Variants in MKX observed in about 807,000 individuals in gnomAD.
MKX encodes the protein mohawk homeobox.
A neutral mutation model predicts 36.0 loss-of-function variants in MKX; 13 were observed. That is an observed-to-expected ratio of 0.36 (90% CI 0.24 to 0.57). MKX has a LOEUF of 0.57. Among genes scored for constraint, MKX ranks in the 20% least tolerant of loss-of-function variants. The pLI, the probability that MKX is intolerant of heterozygous loss-of-function variation, is 0.79. For synonymous variants in MKX, 176 were observed against 178.3 expected, an observed-to-expected ratio of 0.99 and a Z score of 0.10; for missense variants, 458 against 456.4, an observed-to-expected ratio of 1.00 and a Z score of -0.03.
chr10:27,723,297 T>C (rs1834419721), intron 5 of MKX, among the ~76,000 whole-genome samples: 1 of 152,102 alleles, frequency 6.6e-6, no homozygotes, highest in African/African-American at 2.4e-5. Flanking sequence ...CTAAAATAAA[T>C]GAACCCAGGA....
intron 3 of MKX, among the ~76,000 whole-genome samples, chr10:27,737,931 C>A (rs184450130): frequency 5.4e-4 from 82 of 152,162 alleles, no homozygotes; most frequent in African/African-American, 1.8e-3. Context: ...AAAAGTAATA[C>A]ACTACCCTTC....
chr10:27,743,462 C>T lies in MKX; in HGVS notation c.-47G>A. ...GCGGCGCGGCCGCAGAGCCTCGGGG[C>T]TGGGCCGCCGGGAGCTCCGCAGCGG... On this transcript the variant is annotated 5_prime_UTR_variant, in exon 2 of 7. Coordinates refer to ENST00000419761, the MANE Select transcript of MKX (RefSeq NM_173576.3). The T allele has an allele frequency of 2.7e-6, 4 of 1,473,376 alleles. No homozygotes were observed. Among genetic ancestry groups the T allele is most frequent in the Non-Finnish European group, 3.6e-6 (4 of 1,118,360 alleles). 91.3% of individuals were successfully genotyped at this position (1,473,376 alleles called of 1,614,324 possible). A position where few individuals can be genotyped will look rare whatever the true frequency, so the allele number is the denominator to read the frequency against.
chr10:27,721,949 T>C (rs1357265049), intron 5 of MKX, among the ~76,000 whole-genome samples: 1 of 152,204 alleles, frequency 6.6e-6, no homozygotes, highest in East Asian at 1.9e-4. Flanking sequence ...GTTGGGACAA[T>C]TGGCTGTTCA....
intron 5 of MKX, among the ~76,000 whole-genome samples, chr10:27,717,884 A>G (rs1836993831): frequency 6.6e-6 from 1 of 152,208 alleles, no homozygotes; most frequent in East Asian, 1.9e-4. Flanking sequence ...CACAATGATG[A>G]TAAGTGCCCT....
intron 5 of MKX, among the ~76,000 whole-genome samples, chr10:27,723,327 C>G (rs556138243): frequency 6.6e-6 from 1 of 152,266 alleles, no homozygotes; most frequent in South Asian, 2.1e-4. Flanking sequence ...AAAACTAAAA[C>G]AAGACCAGTT....
intron 5 of MKX, among the ~76,000 whole-genome samples, chr10:27,726,771 C>A (rs2132625052): frequency 1.3e-5 from 2 of 148,474 alleles, no homozygotes; most frequent in Middle Eastern, 3.4e-3. Context: ...TAAACCAATT[C>A]AAACTTATTC....
chr10:27,736,438 C>T (rs1834779413), intron 3 of MKX, among the ~76,000 whole-genome samples: 1 of 151,610 alleles, frequency 6.6e-6, no homozygotes, highest in Admixed American at 6.6e-5. Context: ...TCTAAAATAC[C>T]AGGTTATCAT....
At chr10:27,709,238 CA>C (rs1028042748) in intron 5 of MKX, among the ~76,000 whole-genome samples, 1 of 152,046 alleles carries the variant, frequency 6.6e-6, no homozygotes, top group South Asian at 2.1e-4. Flanking sequence ...GTTTATAATA[CA>C]AAAAAATACA....
intron 5 of MKX, among the ~76,000 whole-genome samples, chr10:27,676,606 G>C (rs1183701099): frequency 1.3e-5 from 2 of 151,998 alleles, no homozygotes; most frequent in Non-Finnish European, 2.9e-5. Context: ...TCGAACTCCT[G>C]ACCTCGTGAT....
Position 27,742,902 on chromosome 10 carries a change from C to A in MKX, c.188+326G>T, listed in dbSNP as rs573011172. On this transcript the variant is annotated intron_variant, in intron 2 of 6. Transcript: ENST00000419761. The surrounding 1 kb of genome is among the most constrained non-coding windows in gnomAD (Gnocchi z 4.2). Reference sequence around the variant, plus strand: ...TCAGTCCTTTTTCCTCGCCCTCAGCCGCGCACCGGCACCCACAGTCCGGAG... The same window carrying A: ...TCAGTCCTTTTTCCTCGCCCTCAGCAGCGCACCGGCACCCACAGTCCGGAG... Among the ~76,000 whole-genome samples the A allele has an allele frequency of 1.0e-3, 152 of 152,342 alleles. No individual in the cohort carries two copies. Among genetic ancestry groups the A allele is most frequent in the African/African-American group, 3.5e-3 (146 of 41,588 alleles).
chr10:27,679,618 ACATT>A (rs1207391616), intron 5 of MKX, among the ~76,000 whole-genome samples: 1 of 152,200 alleles, frequency 6.6e-6, no homozygotes, highest in Non-Finnish European at 1.5e-5. Flanking sequence ...TGACTCTGAA[ACATT>A]TGTGCTTTTT....
At chr10:27,702,059 C>T (rs1836668459) in intron 5 of MKX, among the ~76,000 whole-genome samples, 1 of 152,088 alleles carries the variant, frequency 6.6e-6, no homozygotes, top group South Asian at 2.1e-4. Context: ...AAACTGATCT[C>T]CACTCCTTCC....
chr10:27,696,703 T>C (rs547480922), intron 5 of MKX, among the ~76,000 whole-genome samples: 32 of 152,216 alleles, frequency 2.1e-4, no homozygotes, highest in African/African-American at 7.7e-4. Flanking sequence ...TCCAAAATTA[T>C]GTCAGCAGCT....
intron 5 of MKX, among the ~76,000 whole-genome samples, chr10:27,697,127 T>C (rs944887501): frequency 6.6e-6 from 1 of 152,206 alleles, no homozygotes; most frequent in Non-Finnish European, 1.5e-5. Context: ...ATTTTACAAA[T>C]AGGCTGACAA....
intron 5 of MKX, among the ~76,000 whole-genome samples, chr10:27,707,534 G>A (rs1053152446): frequency 1.3e-5 from 2 of 152,022 alleles, no homozygotes; most frequent in African/African-American, 4.8e-5. Context: ...TAATTAGGAG[G>A]CAACATGAGG....
intron 5 of MKX, among the ~76,000 whole-genome samples, chr10:27,712,317 T>A (rs180767217): frequency 4.7e-4 from 72 of 152,280 alleles, no homozygotes; most frequent in African/African-American, 1.7e-3. Flanking sequence ...GAAAATACAC[T>A]ACCATTTAAT....
chr10:27,740,178 G>C (rs1230783029), intron 3 of MKX, among the ~76,000 whole-genome samples: 1 of 152,148 alleles, frequency 6.6e-6, no homozygotes. Flanking sequence ...AAACTTTCCA[G>C]TAATTCCTAA....
At chr10:27,684,327 A>T (rs2637279) in intron 5 of MKX, among the ~76,000 whole-genome samples, 133,084 of 151,624 alleles carry the variant, frequency 0.88, 58,876 homozygotes, top group Non-Finnish European at 0.95. Flanking sequence ...AAAAGAAAAA[A>T]ATATATATAT....
intron 5 of MKX, among the ~76,000 whole-genome samples, chr10:27,732,111 A>C (rs1834643822): frequency 6.6e-6 from 1 of 152,146 alleles, no homozygotes; most frequent in South Asian, 2.1e-4. Context: ...TCATAGTATC[A>C]GTATTATAAA....
Sources: allele counts gnomAD v4.1 joint callset (sites outside exome capture counted in the v4.1 genomes callset), GRCh38; gene constraint gnomAD v4.1.1; non-coding constraint Gnocchi (gnomAD v3.1); transcripts MANE v1.5; gene names NCBI Gene and HGNC (gene_info 2026-07-23, HGNC 2026-07-21).